MASP2: variants seen among roughly 807,000 people sequenced by gnomAD.
The protein encoded by MASP2 is mannan-binding lectin serine protease 2.
MASP2 carries 49 observed loss-of-function variants against 57.1 expected under a neutral mutation model. That is an observed-to-expected ratio of 0.86 (90% CI 0.68 to 1.09). The LOEUF (loss-of-function observed/expected upper bound fraction) is 1.09, where lower values mean the gene tolerates loss of function less well. Among genes scored for constraint, MASP2 ranks in the 50% least tolerant of loss-of-function variants. The pLI, the probability that MASP2 is intolerant of heterozygous loss-of-function variation, is 0.00. For missense variants in MASP2, 900 were observed against 874.8 expected (o/e 1.03, Z -0.36); for synonymous variants, 379 against 340.8 (o/e 1.11, Z -1.24).
chr1:11,030,239 A>G lies in MASP2; in HGVS notation c.1234T>C (p.Cys412Arg). The change falls in exon 10 of 11, where the codon TGT (cysteine) becomes CGT (arginine). Residue 412 changes from cysteine (C) to arginine (R), a missense_variant. Physicochemically the swap from Cys to Arg is radical, Grantham distance 180. Coordinates refer to ENST00000400897, the MANE Select transcript of MASP2 (RefSeq NM_006610.4). ...CTCGTCCAGAATCCATCAGCCTCAC[A>G]CACATATTTACCTGCAAATCATTGG... Reference protein sequence around the residue: ...TMKVNDGKYVCEADGFWTSSK... With the variant: ...TMKVNDGKYVREADGFWTSSK... 1.2e-6 allele frequency: 2 copies of G among 1,613,132 alleles called. No homozygotes were observed. The highest frequency in any genetic ancestry group is 1.7e-6 in the Non-Finnish European group (2 of 1,179,644).
intron 9 of MASP2, 85 bp from the exon 10 acceptor site, chr1:11,030,335 G>T: frequency 1.1e-6 from 1 of 933,580 alleles, no homozygotes; most frequent in Non-Finnish European, 1.7e-6. Flanking sequence ...GAAAAATGTT[G>T]ATTCTTGAGC....
chr1:11,043,412 A>G lies in MASP2; in HGVS notation c.668T>C (p.Val223Ala), dbSNP rs1272385988. 2 of 1,610,816 alleles carry G rather than the reference A, an allele frequency of 1.2e-6. No homozygotes were observed. Among genetic ancestry groups the G allele is most frequent in the Non-Finnish European group, 1.7e-6 (2 of 1,178,986 alleles). ...GAAGGACTCCACAAAGTCCAGAATG[A>G]CACTGAACCCCTCCTCCAGGCTGAT... ...YSISLEEGFS[V>A]ILDFVESFDV... The change falls in exon 5 of 11, where the codon GTC becomes GCC. Residue 223 changes from valine to alanine, a missense_variant. Transcript: ENST00000400897.
At chr1:11,042,740 C>A in intron 6 of MASP2, 135 bp downstream of exon 6, 1 of 1,007,552 alleles carries the variant, frequency 9.9e-7, no homozygotes, top group Non-Finnish European at 1.4e-6. Flanking sequence ...CTGCCTCAGA[C>A]CTCAGACACC....
intron 7 of MASP2, among the ~76,000 whole-genome samples, chr1:11,036,510 CAAAAAAAAAA>C (rs35642467): frequency 1.8e-5 from 1 of 54,348 alleles, no homozygotes; most frequent in African/African-American, 6.2e-5. Flanking sequence ...GACTCCGTCT[CAAAAAAAAAA>C]AAAAAAAAAA....
At chr1:11,037,867 T>C (rs1638302205) in intron 6 of MASP2, 56 bp from the exon 7 acceptor site, 5 of 969,824 alleles carry the variant, frequency 5.2e-6, no homozygotes, top group African/African-American at 5.0e-5. Context: ...CAGCCAAGAC[T>C]GAATCGAGCC....
rs1356123004 is a variant in MASP2 at position 11,034,850 on chromosome 1, G to A, written c.1065C>T (p.Asp355=). Reference sequence around the variant, plus strand: ...TACTGCTGCACGCGGGCATTGGCCGGTCCCAAGATCCATCTTTCTGACAAA... The same window carrying A: ...TACTGCTGCACGCGGGCATTGGCCGATCCCAAGATCCATCTTTCTGACAAA... The part of the protein sequence containing the change: ...TAVCQKDGSW[D]RPMPACSIVD... Residue 355 remains aspartate (D), a synonymous_variant, in exon 8 of 11, where the codon GAC becomes GAT. Transcript: ENST00000400897. 6.2e-7 allele frequency: 1 copy of A among 1,613,028 alleles called. No homozygotes were observed. The highest frequency in any genetic ancestry group is 1.3e-5 in the African/African-American group (1 of 74,974).
At chr1:11,030,464 G>A in intron 9 of MASP2, 1 of 581,228 alleles carries the variant, frequency 1.7e-6, no homozygotes, top group Non-Finnish European at 3.0e-6. Context: ...ACTTGAATAT[G>A]TATCAAGATC....
chr1:11,044,409 C>A (rs538496901), intron 4 of MASP2, among the ~76,000 whole-genome samples: 1 of 152,296 alleles, frequency 6.6e-6, no homozygotes, highest in Non-Finnish European at 1.5e-5. Flanking sequence ...GTGAGGAGCC[C>A]CAACATTGCC....
At chr1:11,039,168 G>T (rs1183125786) in intron 6 of MASP2, among the ~76,000 whole-genome samples, 1 of 152,178 alleles carries the variant, frequency 6.6e-6, no homozygotes, top group Admixed American at 6.5e-5. Flanking sequence ...CTCTCACATT[G>T]CCCAGTGCTT....
At chr1:11,030,145 T>A (rs1234738034) in intron 10 of MASP2, 31 bp downstream of exon 10, 1 of 1,522,856 alleles carries the variant, frequency 6.6e-7, no homozygotes, top group Middle Eastern at 1.7e-4. Context: ...TTCCATCAAT[T>A]ACCAGTCTCT....
intron 8 of MASP2, among the ~76,000 whole-genome samples, chr1:11,031,528 T>TTAAAAAAAA (rs1553160783): frequency 1.6e-4 from 11 of 67,504 alleles, no homozygotes. Context: ...GACTCTGTCT[T>TTAAAAAAAA]AAAAAAAAAA....
At chr1:11,034,592 G>A (rs1199743159) in intron 8 of MASP2, among the ~76,000 whole-genome samples, 1 of 151,586 alleles carries the variant, frequency 6.6e-6, no homozygotes, top group African/African-American at 2.4e-5. Flanking sequence ...CAGCTACTCA[G>A]GAGGCTGAGG....
intron 4 of MASP2, chr1:11,045,184 G>A: frequency 1.3e-6 from 1 of 774,944 alleles, no homozygotes; most frequent in Non-Finnish European, 2.3e-6. Flanking sequence ...GTACACAGTG[G>A]GATGTTAGAA....
chr1:11,034,802 G>A, intron 8 of MASP2, 26 bp downstream of exon 8: 1 of 1,575,128 alleles, frequency 6.3e-7, no homozygotes, highest in Non-Finnish European at 8.7e-7. Context: ...GCGGTTATGG[G>A]GCCTGTAGTC....
At chr1:11,032,747 A>G (rs1050948012) in intron 8 of MASP2, among the ~76,000 whole-genome samples, 8 of 151,934 alleles carry the variant, frequency 5.3e-5, no homozygotes, top group Admixed American at 2.0e-4. Context: ...CGTCTCTACT[A>G]AAAATAGAAA....
intron 3 of MASP2, 162 bp from the exon 4 acceptor site, chr1:11,045,701 G>A: frequency 1.4e-6 from 1 of 715,394 alleles, no homozygotes; most frequent in Non-Finnish European, 2.3e-6. Flanking sequence ...TACAGGCCTA[G>A]GGTCGCTGCA....
intron 8 of MASP2, 127 bp from the exon 9 acceptor site, chr1:11,031,009 C>T: frequency 1.1e-6 from 1 of 907,950 alleles, no homozygotes. Flanking sequence ...TTGAGACCAG[C>T]CTGGGCAACA....
intron 3 of MASP2, 150 bp from the exon 4 acceptor site, chr1:11,045,689 C>T: frequency 1.3e-6 from 1 of 798,748 alleles, no homozygotes; most frequent in Non-Finnish European, 1.9e-6. Flanking sequence ...GGCCAATCAC[C>T]TTACAGGCCT....
chr1:11,028,226 AAGG>A (rs1177465939), intron 10 of MASP2, among the ~76,000 whole-genome samples: 1 of 152,166 alleles, frequency 6.6e-6, no homozygotes, highest in East Asian at 1.9e-4. Context: ...TCAAAAAAAA[AAGG>A]AGATTAGGAA....
Sources: allele counts gnomAD v4.1 joint callset (sites outside exome capture counted in the v4.1 genomes callset), GRCh38; gene constraint gnomAD v4.1.1; transcripts MANE v1.5; gene names NCBI Gene and HGNC (gene_info 2026-07-23, HGNC 2026-07-21).